GALNT2: variants seen among roughly 807,000 people sequenced by gnomAD.
GALNT2 encodes the protein polypeptide N-acetylgalactosaminyltransferase 2.
Under a neutral mutation model 81.4 loss-of-function variants are expected in GALNT2, and 31 were observed. The ratio of observed to expected loss-of-function variants is 0.38; its 90% CI spans 0.29 to 0.51. The LOEUF (loss-of-function observed/expected upper bound fraction) is 0.51, where lower values mean the gene tolerates loss of function less well. Ranked by LOEUF, GALNT2 falls within the 20% of genes least tolerant of loss-of-function variation. The pLI is 0.87. For synonymous variants in GALNT2, 303 were observed against 287.4 expected (o/e 1.05, Z -0.55); for missense variants, 629 against 765.7 (o/e 0.82, Z 2.11).
At chr1:230,065,031 A>C (rs1245813542), upstream of GALNT2, among the ~76,000 whole-genome samples, 1 of 152,194 alleles carries the variant, frequency 6.6e-6, no homozygotes, top group Non-Finnish European at 1.5e-5. Context: ...TGTACATTTA[A>C]ATTTTCCCTT....
chr1:230,253,115 T>G (rs1303211064), intron 10 of GALNT2, among the ~76,000 whole-genome samples: 1 of 152,186 alleles, frequency 6.6e-6, no homozygotes, highest in Non-Finnish European at 1.5e-5. Flanking sequence ...CCCAAAGTGT[T>G]GGGATTACAG....
At position 230,211,093 on chromosome 1, in the gene GALNT2, G is replaced by A. The variant is rs548336412; in HGVS notation, c.374+7803G>A. Among the ~76,000 whole-genome samples, 389 of 152,316 alleles carry A rather than the reference G, an allele frequency of 2.6e-3. 2 individuals carry two copies. Among genetic ancestry groups the A allele is most frequent in the Non-Finnish European group, 4.6e-3 (311 of 68,032 alleles). ...GAGTGTGATTGGAGACCCAGGCAGGGCTGGAGCTTTGTCCTTATGTTGTAC... is the reference window on the plus strand; with the variant it reads ...GAGTGTGATTGGAGACCCAGGCAGGACTGGAGCTTTGTCCTTATGTTGTAC... On this transcript the variant is annotated intron_variant, in intron 3 of 15. Transcript: ENST00000366672.
At chr1:230,253,056 C>G (rs1173971310) in intron 10 of GALNT2, among the ~76,000 whole-genome samples, 1 of 152,032 alleles carries the variant, frequency 6.6e-6, no homozygotes, top group Non-Finnish European at 1.5e-5. Flanking sequence ...CCATGTTGGT[C>G]AGGCTGGTCT....
chr1:230,111,838 CT>C (rs1445974811), intron 1 of GALNT2, among the ~76,000 whole-genome samples: 2 of 152,016 alleles, frequency 1.3e-5, no homozygotes, highest in African/African-American at 4.8e-5. Context: ...TGAAATCTGG[CT>C]GCAAGATGGT....
At chr1:230,061,256 C>T (rs544628518) in intron 1 of GALNT2, among the ~76,000 whole-genome samples, 2 of 151,614 alleles carry the variant, frequency 1.3e-5, no homozygotes, top group African/African-American at 4.9e-5. Flanking sequence ...ATACCGCTAT[C>T]TCTAATTACA....
At chr1:230,080,723 G>T (rs1659700863) in intron 1 of GALNT2, among the ~76,000 whole-genome samples, 1 of 152,132 alleles carries the variant, frequency 6.6e-6, no homozygotes, top group Non-Finnish European at 1.5e-5. Flanking sequence ...GTGCATTCTG[G>T]CTTATCCAGT....
chr1:230,075,279 C>T (rs1659506905), intron 1 of GALNT2, among the ~76,000 whole-genome samples: 1 of 152,088 alleles, frequency 6.6e-6, no homozygotes, highest in African/African-American at 2.4e-5. Flanking sequence ...GCACCTACCA[C>T]CATGCCCAGC....
chr1:230,222,443 G>T (rs759301427), intron 3 of GALNT2, among the ~76,000 whole-genome samples: 1 of 152,092 alleles, frequency 6.6e-6, no homozygotes, highest in Non-Finnish European at 1.5e-5. Context: ...GAAATATAGT[G>T]TGATAATTTT....
intron 15 of GALNT2, among the ~76,000 whole-genome samples, chr1:230,278,574 C>A (rs561219740): frequency 8.5e-5 from 13 of 152,276 alleles, no homozygotes; most frequent in African/African-American, 3.1e-4. Context: ...AGTAAAGAGG[C>A]ATCGTACCCT....
chr1:230,066,468 C>T (rs535522860), upstream of GALNT2, among the ~76,000 whole-genome samples: 2 of 152,188 alleles, frequency 1.3e-5, no homozygotes, highest in Non-Finnish European at 2.9e-5. Flanking sequence ...GCTCTGTCAC[C>T]CACAGAAAAA....
chr1:230,129,649 A>G (rs1661304841), intron 1 of GALNT2, among the ~76,000 whole-genome samples: 1 of 152,206 alleles, frequency 6.6e-6, no homozygotes, highest in South Asian at 2.1e-4. Context: ...AGAGGAAACA[A>G]TACACCCAAG....
chr1:230,109,002 A>AGGG (rs1660620860), intron 1 of GALNT2, among the ~76,000 whole-genome samples: 1 of 152,274 alleles, frequency 6.6e-6, no homozygotes, highest in Non-Finnish European at 1.5e-5. Flanking sequence ...GATGTAGAGC[A>AGGG]GGATATATAT....
At chr1:230,206,072 T>C (rs905045382) in intron 3 of GALNT2, among the ~76,000 whole-genome samples, 1 of 152,068 alleles carries the variant, frequency 6.6e-6, no homozygotes, top group Admixed American at 6.5e-5. Flanking sequence ...TGGCATGACA[T>C]CTCCATGAGA....
chr1:230,216,588 G>A (rs1394041076), intron 3 of GALNT2, among the ~76,000 whole-genome samples: 1 of 152,154 alleles, frequency 6.6e-6, no homozygotes, highest in Non-Finnish European at 1.5e-5. Context: ...ACTGTACTCA[G>A]CTGATTTAAA....
chr1:230,230,449 C>T (rs1216710243), intron 3 of GALNT2, among the ~76,000 whole-genome samples: 3 of 152,210 alleles, frequency 2.0e-5, no homozygotes, highest in African/African-American at 7.2e-5. Context: ...AATGCCTGCT[C>T]ATAGACACGC....
chr1:230,230,161 T>A (rs972435107), intron 3 of GALNT2, among the ~76,000 whole-genome samples: 1 of 152,208 alleles, frequency 6.6e-6, no homozygotes, highest in African/African-American at 2.4e-5. Flanking sequence ...GGAGGCTCAT[T>A]GCCTTGGTAA....
At chr1:230,255,799 G>A (rs1464883469) in intron 11 of GALNT2, among the ~76,000 whole-genome samples, 1 of 152,066 alleles carries the variant, frequency 6.6e-6, no homozygotes, top group Non-Finnish European at 1.5e-5. Flanking sequence ...AAAATGTTAT[G>A]GGAAAATTTT....
intron 1 of GALNT2, among the ~76,000 whole-genome samples, chr1:230,069,057 A>T (rs1360502583): frequency 6.6e-6 from 1 of 152,210 alleles, no homozygotes; most frequent in Non-Finnish European, 1.5e-5. Flanking sequence ...CATGCAAAGA[A>T]AACCAAACAC....
At chr1:230,126,465 C>T (rs1281975584) in intron 1 of GALNT2, among the ~76,000 whole-genome samples, 4 of 152,076 alleles carry the variant, frequency 2.6e-5, no homozygotes, top group Admixed American at 2.6e-4. Context: ...TGTCTTATAT[C>T]ATAAGGGGGT....
Sources: gnomAD v4.1 joint callset for allele counts (sites outside exome capture counted in the v4.1 genomes callset) on GRCh38, gnomAD v4.1.1 for gene constraint, MANE v1.5 for transcripts, NCBI Gene and HGNC (gene_info 2026-07-23, HGNC 2026-07-21) for gene names.